SSBP2: variants seen among roughly 807,000 people sequenced by gnomAD.
The protein encoded by SSBP2 is single stranded DNA binding protein 2, also known as single-stranded DNA-binding protein 2.
In SSBP2, 17 loss-of-function variants were observed where a neutral mutation model predicts 61.8. The observed-to-expected ratio is 0.28, with a 90% CI of 0.19 to 0.41. The LOEUF (loss-of-function observed/expected upper bound fraction) is 0.41. SSBP2 is among the 10% of genes least tolerant of loss of function. The pLI is 1.00. For missense variants in SSBP2, 310 were observed against 458.7 expected, an observed-to-expected ratio of 0.68 and a Z score of 2.96; for synonymous variants, 139 against 141.3, an observed-to-expected ratio of 0.98 and a Z score of 0.12.
chr5:81,686,886 AAGAAAAGAAAAG>A (rs1163115452), intron 1 of SSBP2, among the ~76,000 whole-genome samples: 1 of 133,322 alleles, frequency 7.5e-6, no homozygotes, highest in African/African-American at 3.2e-5. Context: ...AAGAAAAGAA[AAGAAAAGAAAAG>A]AAAAGAAAAG....
chr5:81,606,673 C>T (rs942954462), intron 4 of SSBP2, among the ~76,000 whole-genome samples: 1 of 152,096 alleles, frequency 6.6e-6, no homozygotes, highest in Admixed American at 6.6e-5. Flanking sequence ...GTTGAGATTC[C>T]CAATCCTCTT....
chr5:81,454,119 T>TA (rs1346236126), intron 10 of SSBP2, among the ~76,000 whole-genome samples: 1 of 152,148 alleles, frequency 6.6e-6, no homozygotes, highest in Non-Finnish European at 1.5e-5. Flanking sequence ...AGGAATTAAT[T>TA]ATCTAGGAGA....
chr5:81,600,094 C>T (rs1337706069), intron 4 of SSBP2, among the ~76,000 whole-genome samples: 4 of 151,948 alleles, frequency 2.6e-5, no homozygotes, highest in Admixed American at 6.6e-5. Flanking sequence ...TTTTAAAAGA[C>T]GGTGATTAAG....
In SSBP2 at chr5:81,592,082, T is replaced by G. The variant is rs375840241; in HGVS notation, c.282+23391A>C. On this transcript the variant is annotated intron_variant, in intron 4 of 16. Coordinates refer to ENST00000320672, the MANE Select transcript of SSBP2 (RefSeq NM_012446.5). ...CAAGGGGTCAGGGAATTCCCTTTCCTAGTCAAAGAAAGGGGTGACAGACGG... is the reference window on the plus strand; with the variant it reads ...CAAGGGGTCAGGGAATTCCCTTTCCGAGTCAAAGAAAGGGGTGACAGACGG... Among the ~76,000 whole-genome samples, 26 of 152,306 alleles carry G rather than the reference T, an allele frequency of 1.7e-4. No individual in the cohort carries two copies. The East Asian group carries it at 5.0e-3, about 29-fold the overall frequency.
chr5:81,577,795 T>A (rs1774342239), intron 4 of SSBP2, among the ~76,000 whole-genome samples: 1 of 152,006 alleles, frequency 6.6e-6, no homozygotes, highest in South Asian at 2.1e-4. Flanking sequence ...TTTTGCCCTA[T>A]GTCAAGATTA....
At chr5:81,633,301 C>T (rs779131521) in intron 3 of SSBP2, among the ~76,000 whole-genome samples, 9 of 151,080 alleles carry the variant, frequency 6.0e-5, no homozygotes, top group African/African-American at 1.2e-4. Context: ...TTTTTAGTAG[C>T]GACAGGGTTT....
At chr5:81,544,149 A>G (rs1360531599) in intron 4 of SSBP2, among the ~76,000 whole-genome samples, 2 of 151,986 alleles carry the variant, frequency 1.3e-5, no homozygotes, top group Non-Finnish European at 2.9e-5. Flanking sequence ...TCCCGGGTTC[A>G]CGACATTCTC....
At chr5:81,539,348 T>C (rs1348127527) in intron 4 of SSBP2, among the ~76,000 whole-genome samples, 8 of 152,316 alleles carry the variant, frequency 5.3e-5, no homozygotes, top group African/African-American at 1.4e-4. Flanking sequence ...TTCTTATGGA[T>C]GAGCAAAGAG....
chr5:81,491,870 C>T (rs1766879926), intron 5 of SSBP2, among the ~76,000 whole-genome samples: 1 of 152,152 alleles, frequency 6.6e-6, no homozygotes, highest in South Asian at 2.1e-4. Context: ...AAAATTAGTG[C>T]TGTTATAACA....
intron 15 of SSBP2, among the ~76,000 whole-genome samples, chr5:81,437,033 G>GAT (rs1262157798): frequency 1.3e-5 from 2 of 152,186 alleles, no homozygotes; most frequent in East Asian, 3.9e-4. Flanking sequence ...ATGCCTTTAT[G>GAT]ATATATAATA....
At chr5:81,656,916 G>A (rs1750271200) in intron 1 of SSBP2, among the ~76,000 whole-genome samples, 1 of 151,842 alleles carries the variant, frequency 6.6e-6, no homozygotes, top group African/African-American at 2.4e-5. Context: ...TTTTTTAAGT[G>A]CAGAACAGTT....
intron 1 of SSBP2, among the ~76,000 whole-genome samples, chr5:81,651,496 C>G (rs1458770585): frequency 3.3e-5 from 5 of 152,162 alleles, no homozygotes; most frequent in Non-Finnish European, 7.3e-5. Context: ...AGCTACTAAA[C>G]ACCTTGAGAG....
At chr5:81,445,570 C>G (rs546954237) in intron 12 of SSBP2, among the ~76,000 whole-genome samples, 3 of 151,876 alleles carry the variant, frequency 2.0e-5, no homozygotes, top group Admixed American at 1.3e-4. Context: ...AATGAAGATG[C>G]CTTCAGGACA....
intron 15 of SSBP2, among the ~76,000 whole-genome samples, chr5:81,436,489 C>A (rs1050907213): frequency 2.6e-5 from 4 of 151,992 alleles, no homozygotes; most frequent in African/African-American, 4.8e-5. Context: ...GTTATAATGC[C>A]AGAATTCCAA....
At chr5:81,734,498 T>A (rs1434878572) in intron 1 of SSBP2, among the ~76,000 whole-genome samples, 1 of 152,068 alleles carries the variant, frequency 6.6e-6, no homozygotes, top group Non-Finnish European at 1.5e-5. Flanking sequence ...GAAGTATATA[T>A]CCATAACATA....
At chr5:81,544,249 A>C (rs1409234957) in intron 4 of SSBP2, among the ~76,000 whole-genome samples, 1 of 152,086 alleles carries the variant, frequency 6.6e-6, no homozygotes, top group Non-Finnish European at 1.5e-5. Flanking sequence ...GGGTTTCACC[A>C]TCTTGGCCAG....
intron 1 of SSBP2, among the ~76,000 whole-genome samples, chr5:81,666,689 G>A (rs1751165919): frequency 6.6e-6 from 1 of 152,198 alleles, no homozygotes; most frequent in South Asian, 2.1e-4. Context: ...AGTATACATT[G>A]GTATTACTGT....
At chr5:81,523,908 C>T (rs1329427770) in intron 4 of SSBP2, among the ~76,000 whole-genome samples, 1 of 152,020 alleles carries the variant, frequency 6.6e-6, no homozygotes, top group Admixed American at 6.6e-5. Flanking sequence ...TTAACATTGT[C>T]TCCGCTTTCA....
At chr5:81,603,769 G>C (rs553051247) in intron 4 of SSBP2, among the ~76,000 whole-genome samples, 34 of 152,196 alleles carry the variant, frequency 2.2e-4, no homozygotes, top group African/African-American at 8.2e-4. Context: ...TGAATTATCT[G>C]AATACTTATT....
Sources: allele counts gnomAD v4.1 joint callset (sites outside exome capture counted in the v4.1 genomes callset), GRCh38; gene constraint gnomAD v4.1.1; transcripts MANE v1.5; gene names NCBI Gene and HGNC (gene_info 2026-07-23, HGNC 2026-07-21).